EPHA5: variants seen among roughly 807,000 people sequenced by gnomAD.
EPHA5 encodes the protein EPH receptor A5.
In EPHA5, 60 loss-of-function variants were observed where a neutral mutation model predicts 105.0. The observed-to-expected ratio is 0.57, with a 90% CI of 0.46 to 0.71. The LOEUF (loss-of-function observed/expected upper bound fraction) is 0.71, where lower values mean the gene tolerates loss of function less well. EPHA5 is among the 30% of genes least tolerant of loss of function. The pLI, the probability that EPHA5 is intolerant of heterozygous loss-of-function variation, is 0.00. For synonymous variants in EPHA5, 513 were observed against 449.1 expected (o/e 1.14, Z -1.80); for missense variants, 1,218 against 1,274.7 (o/e 0.96, Z 0.68).
In EPHA5 at chr4:65,606,243, G is replaced by A. The variant is rs77947337; in HGVS notation, c.247-3939C>T. 2.8e-3 allele frequency among the ~76,000 whole-genome samples: 429 copies of A among 152,058 alleles called. 1 individual carries two copies. Among genetic ancestry groups the A allele is most frequent in the African/African-American group, 9.3e-3 (385 of 41,474 alleles). On this transcript the variant is annotated intron_variant, in intron 2 of 16. Transcript: ENST00000613740. ...GGCAGGCATGCATGATTTTCTTATC[G>A]TCAACTGTATCTTAGAGTCTGATAC... is the stretch of plus-strand genomic sequence containing the variant.
chr4:65,353,143 A>G (rs1406102522), intron 11 of EPHA5, 40 bp from the exon 12 acceptor site: 1 of 1,341,246 alleles, frequency 7.5e-7, no homozygotes, highest in Non-Finnish European at 9.9e-7. Flanking sequence ...CTGCTCTTCG[A>G]TTTTGCATTC....
intron 5 of EPHA5, among the ~76,000 whole-genome samples, chr4:65,473,868 T>C (rs1379598976): frequency 1.6e-5 from 2 of 128,372 alleles, no homozygotes; most frequent in East Asian, 2.4e-4. Flanking sequence ...CATTACTCTT[T>C]CAATGTTTTG....
At chr4:65,594,925 C>G (rs529896848) in intron 3 of EPHA5, among the ~76,000 whole-genome samples, 21 of 152,080 alleles carry the variant, frequency 1.4e-4, no homozygotes, top group South Asian at 4.1e-4. Flanking sequence ...ATAAGAAGAG[C>G]ATATTTTAGC....
At chr4:65,334,469 C>T (rs550816851) in intron 15 of EPHA5, among the ~76,000 whole-genome samples, 4 of 151,992 alleles carry the variant, frequency 2.6e-5, no homozygotes, top group South Asian at 2.1e-4. Context: ...AGAATAAAAT[C>T]ATTGAAGGAG....
chr4:65,519,170 G>A (rs181664003), intron 3 of EPHA5, among the ~76,000 whole-genome samples: 329 of 151,672 alleles, frequency 2.2e-3, no homozygotes, highest in South Asian at 8.6e-3. Flanking sequence ...CATCAATAAT[G>A]TAAATGCAAA....
chr4:65,624,547 G>C (rs1386991202), intron 2 of EPHA5, among the ~76,000 whole-genome samples: 5 of 152,072 alleles, frequency 3.3e-5, no homozygotes, highest in Non-Finnish European at 7.4e-5. Flanking sequence ...TAAATTTGAG[G>C]CTTTTTAGGG....
At chr4:65,543,924 T>G (rs536035751) in intron 3 of EPHA5, among the ~76,000 whole-genome samples, 2 of 152,052 alleles carry the variant, frequency 1.3e-5, no homozygotes, top group African/African-American at 4.8e-5. Context: ...ACACCACACA[T>G]CTACAACCAT....
intron 1 of EPHA5, among the ~76,000 whole-genome samples, chr4:65,663,635 C>T (rs114132200): frequency 0.021 from 3,261 of 151,866 alleles, 115 homozygotes; most frequent in African/African-American, 0.073. Flanking sequence ...AGTTTAAATG[C>T]GATTTTTAAA....
intron 5 of EPHA5, among the ~76,000 whole-genome samples, chr4:65,430,256 T>TA (rs1724848609): frequency 6.6e-6 from 1 of 152,036 alleles, no homozygotes; most frequent in Non-Finnish European, 1.5e-5. Flanking sequence ...TTAAATGGCA[T>TA]AAAATCCATA....
intron 3 of EPHA5, among the ~76,000 whole-genome samples, chr4:65,548,117 T>C (rs1483512842): frequency 6.7e-6 from 1 of 148,788 alleles, no homozygotes; most frequent in African/African-American, 2.5e-5. Flanking sequence ...CAATATCAAC[T>C]GATCTCTATG....
intron 2 of EPHA5, among the ~76,000 whole-genome samples, chr4:65,609,745 T>C (rs1744587827): frequency 6.6e-6 from 1 of 151,456 alleles, no homozygotes; most frequent in Admixed American, 6.6e-5. Context: ...AAGCAATAAA[T>C]GGAAGGATGG....
intron 3 of EPHA5, among the ~76,000 whole-genome samples, chr4:65,572,902 A>C (rs1489249208): frequency 6.6e-6 from 1 of 151,736 alleles, no homozygotes; most frequent in Non-Finnish European, 1.5e-5. Flanking sequence ...GTGGTGGTGC[A>C]CGCCTGTATT....
intron 8 of EPHA5, among the ~76,000 whole-genome samples, chr4:65,398,566 G>A (rs1193509514): frequency 6.6e-6 from 1 of 152,146 alleles, no homozygotes; most frequent in Admixed American, 6.5e-5. Flanking sequence ...AGAGTGAGAA[G>A]TTATGGTGCT....
chr4:65,636,994 A>G (rs75173818), intron 2 of EPHA5, among the ~76,000 whole-genome samples: 93 of 152,182 alleles, frequency 6.1e-4, no homozygotes, highest in African/African-American at 2.2e-3. Flanking sequence ...TTGCTGTAAC[A>G]TAGTACTGCT....
intron 3 of EPHA5, among the ~76,000 whole-genome samples, chr4:65,512,951 A>G (rs1395468052): frequency 8.5e-5 from 13 of 152,204 alleles, no homozygotes; most frequent in African/African-American, 2.7e-4. Flanking sequence ...TAAAAGCCAG[A>G]TGCGTGATGG....
At chr4:65,381,949 TTGA>T (rs1192836986) in intron 8 of EPHA5, among the ~76,000 whole-genome samples, 1 of 151,784 alleles carries the variant, frequency 6.6e-6, no homozygotes, top group Non-Finnish European at 1.5e-5. Flanking sequence ...TTAAAAATAC[TTGA>T]TGACCCAAAC....
chr4:65,662,774 T>C (rs79630488), intron 1 of EPHA5, among the ~76,000 whole-genome samples: 5,417 of 152,216 alleles, frequency 0.036, 310 homozygotes, highest in African/African-American at 0.12. Context: ...AAAACTGTTA[T>C]TAATATCAAT....
At chr4:65,467,971 A>G (rs1451440010) in intron 5 of EPHA5, among the ~76,000 whole-genome samples, 1 of 152,168 alleles carries the variant, frequency 6.6e-6, no homozygotes, top group African/African-American at 2.4e-5. Flanking sequence ...CCTAGAAAGG[A>G]TAGTAAATGA....
At chr4:65,342,139 T>C (rs1322257546) in intron 14 of EPHA5, among the ~76,000 whole-genome samples, 2 of 142,602 alleles carry the variant, frequency 1.4e-5, no homozygotes, top group African/African-American at 5.2e-5. Flanking sequence ...CCAAGATGAC[T>C]GGTTTAAGTC....
Sources: allele counts gnomAD v4.1 joint callset (sites outside exome capture counted in the v4.1 genomes callset), GRCh38; gene constraint gnomAD v4.1.1; transcripts MANE v1.5; gene names NCBI Gene and HGNC (gene_info 2026-07-23, HGNC 2026-07-21).